The following SGIP1 variants were observed in gnomAD, a reference collection of about 807,000 sequenced individuals.
SGIP1 encodes the protein SH3-containing GRB2-like protein 3-interacting protein 1.
A neutral mutation model predicts 107.5 loss-of-function variants in SGIP1; 38 were observed. The ratio of observed to expected loss-of-function variants is 0.35; its 90% confidence interval spans 0.27 to 0.46. The LOEUF (loss-of-function observed/expected upper bound fraction) is 0.46, where lower values mean the gene tolerates loss of function less well. SGIP1 is among the 20% of genes least tolerant of loss of function. The pLI is 1.00. For synonymous variants in SGIP1, 365 were observed against 366.1 expected (o/e 1.00, Z 0.03); for missense variants, 929 against 1,019.5 (o/e 0.91, Z 1.21).
At chr1:66,538,694 A>G (rs2054181587) in intron 1 of SGIP1, among the ~76,000 whole-genome samples, 1 of 152,224 alleles carries the variant, frequency 6.6e-6, no homozygotes, top group Non-Finnish European at 1.5e-5. Flanking sequence ...GATACAAATA[A>G]TAGAGTCTCA....
At chr1:66,535,985 C>G (rs2053511239) in intron 1 of SGIP1, among the ~76,000 whole-genome samples, 1 of 152,204 alleles carries the variant, frequency 6.6e-6, no homozygotes, top group Non-Finnish European at 1.5e-5. Context: ...CTTTTCACTT[C>G]TTGCCTTGCA....
rs370939783 is a variant in SGIP1, at chr1:66,715,617, C to T, written c.1631-3677C>T. ...TCTGCGAGCTTTAAAACAAAGCACA[C>T]AAGCAAACAAAAAGCACTACGACCA... On this transcript the variant is annotated intron_variant, in intron 18 of 24. Transcript: ENST00000371037. 5.9e-5 allele frequency among the ~76,000 whole-genome samples: 9 copies of T among 152,208 alleles called. 1 individual carries two copies. Among genetic ancestry groups the T allele is most frequent in the African/African-American group, 2.2e-4 (9 of 41,524 alleles).
chr1:66,671,970 T>C lies in SGIP1; in HGVS notation c.535T>C (p.Ser179Pro), dbSNP rs769041939. 4 of 1,613,950 alleles carry C rather than the reference T, an allele frequency of 2.5e-6. No individual in the cohort carries two copies. The highest frequency in any genetic ancestry group is 4.5e-5 in the East Asian group (2 of 44,886). ...SSEEVARPRR[S>P]TPTPELISKK... The stretch of plus-strand genomic sequence containing the variant: ...TGAAGAAGTGGCAAGACCCAGGCGT[T>C]CCACACCAACTCCAGAACTTATAAG... Residue 179 changes from serine to proline, a missense_variant, in exon 11 of 25, where the codon TCC (serine) becomes CCC (proline). Physicochemically the swap from Ser to Pro is moderately conservative, Grantham distance 74 (BLOSUM62 -1). Transcript: ENST00000371037.
intron 3 of SGIP1, among the ~76,000 whole-genome samples, chr1:66,633,496 T>G (rs2075206772): frequency 6.6e-6 from 1 of 152,224 alleles, no homozygotes. Flanking sequence ...AAGAAGCTTT[T>G]CCCCTTTAGT....
chr1:66,550,324 A>G (rs2148251096), intron 1 of SGIP1, among the ~76,000 whole-genome samples: 1 of 152,238 alleles, frequency 6.6e-6, no homozygotes. Context: ...AGCTCTTAAT[A>G]GGCAATAGCC....
At chr1:66,625,281 C>G (rs1283567516) in intron 1 of SGIP1, among the ~76,000 whole-genome samples, 1 of 151,998 alleles carries the variant, frequency 6.6e-6, no homozygotes, top group Non-Finnish European at 1.5e-5. Context: ...AAGTAAGGAC[C>G]GAACAAGAAA....
intron 7 of SGIP1, among the ~76,000 whole-genome samples, chr1:66,648,386 A>AAGTG (rs34773236): frequency 0.52 from 78,449 of 150,904 alleles, 21,522 homozygotes; most frequent in East Asian, 0.9. Flanking sequence ...TAATGCTTGC[A>AAGTG]AGTGAGTGAG....
At chr1:66,733,942 A>G (rs907965109) in intron 21 of SGIP1, 62 bp downstream of exon 21, 2 of 1,513,216 alleles carry the variant, frequency 1.3e-6, no homozygotes, top group Admixed American at 4.1e-5. Context: ...TAAAGTACCT[A>G]CTATTGAATA....
chr1:66,593,776 G>C (rs551502083), intron 1 of SGIP1, among the ~76,000 whole-genome samples: 2 of 152,160 alleles, frequency 1.3e-5, no homozygotes, highest in Admixed American at 1.3e-4. Context: ...CACCAAAAAA[G>C]ATATAAAAAC....
chr1:66,535,872 G>T (rs1487009046), intron 1 of SGIP1, among the ~76,000 whole-genome samples: 7 of 148,908 alleles, frequency 4.7e-5, no homozygotes, highest in African/African-American at 1.7e-4. Context: ...TGCCTGTAGA[G>T]GTACTGTATT....
At position 66,745,837 on chromosome 1, in the gene SGIP1, A is replaced by T. The variant is rs1188177934; in HGVS notation, c.*2742A>T. 6.6e-6 allele frequency: 1 copy of T among 152,124 alleles called. No homozygotes were observed. The highest frequency in any genetic ancestry group is 2.4e-5 in the African/African-American group (1 of 41,458). 9.4% of individuals were successfully genotyped at this position (152,124 alleles called of 1,614,324 possible). A position where few individuals can be genotyped will look rare whatever the true frequency, so the allele number is the denominator to read the frequency against. On this transcript the variant is annotated 3_prime_UTR_variant, in exon 25 of 25. Transcript: ENST00000371037. ...CCAATAAAATCCATATTTTCGTGAA[A>T]TTTTTAAAAATAAATTTGTATCAAG...
Position 66,549,215 on chromosome 1 carries a change from C to T in SGIP1, c.10+14847C>T, listed in dbSNP as rs180744877. Among the ~76,000 whole-genome samples the T allele has an allele frequency of 1.1e-4, 17 of 151,706 alleles. No homozygotes were observed. The East Asian group carries it at 3.3e-3, about 29-fold the overall frequency. ...CCTTCCTTCCCTTCCTCCTGTCTTC[C>T]TTGCTTCCTCTCTTTCTTTTTTCTT... On this transcript the variant is annotated intron_variant, in intron 1 of 24. Transcript: ENST00000371037.
chr1:66,615,066 C>T (rs940586128), intron 1 of SGIP1, among the ~76,000 whole-genome samples: 1 of 151,940 alleles, frequency 6.6e-6, no homozygotes, highest in Non-Finnish European at 1.5e-5. Flanking sequence ...GGTGATCCAC[C>T]CACCTCGGTC....
At chr1:66,648,447 A>G (rs1370767594) in intron 7 of SGIP1, among the ~76,000 whole-genome samples, 1 of 152,316 alleles carries the variant, frequency 6.6e-6, no homozygotes, top group Admixed American at 6.5e-5. Context: ...ACACAGAACC[A>G]TGGCATGTCA....
chr1:66,655,376 A>G (rs976341253), intron 7 of SGIP1, among the ~76,000 whole-genome samples: 3 of 152,156 alleles, frequency 2.0e-5, no homozygotes, highest in African/African-American at 7.2e-5. Context: ...CCCACCTTAT[A>G]TAAAATCGCA....
In SGIP1 at chr1:66,746,934, T is replaced by C. The variant is rs2094560452; in HGVS notation, c.*3839T>C. 6.6e-6 allele frequency: 1 copy of C among 152,146 alleles called. No individual in the cohort carries two copies. The highest frequency in any genetic ancestry group is 2.4e-5 in the African/African-American group (1 of 41,462). The allele number at this position is 152,146 out of a possible 1,614,324, so 9.4% of individuals were successfully genotyped here. ...ATTGGTATCATCACTTATTAATGTT[T>C]TGTATCATCACTTATTAATGATTTT... On this transcript the variant is annotated 3_prime_UTR_variant, in exon 25 of 25. Coordinates refer to ENST00000371037, the MANE Select transcript of SGIP1 (RefSeq NM_032291.4).
intron 1 of SGIP1, among the ~76,000 whole-genome samples, chr1:66,584,956 A>G (rs1173552160): frequency 6.6e-6 from 1 of 152,182 alleles, no homozygotes; most frequent in Admixed American, 6.6e-5. Context: ...CTTCTCCCTC[A>G]AAACAAAAAG....
intron 15 of SGIP1, among the ~76,000 whole-genome samples, chr1:66,686,249 A>G (rs1308057194): frequency 1.3e-5 from 2 of 152,124 alleles, no homozygotes; most frequent in African/African-American, 2.4e-5. Context: ...CAACACACAC[A>G]TAAAAAAAGA....
intron 1 of SGIP1, among the ~76,000 whole-genome samples, chr1:66,570,312 A>C (rs1308248609): frequency 1.3e-5 from 2 of 151,908 alleles, no homozygotes; most frequent in African/African-American, 4.8e-5. Context: ...AGTGGGGTGT[A>C]GAGGGAAAAC....
Sources: allele counts gnomAD v4.1 joint callset (sites outside exome capture counted in the v4.1 genomes callset), GRCh38; gene constraint gnomAD v4.1.1; transcripts MANE v1.5; gene names NCBI Gene and HGNC (gene_info 2026-07-23, HGNC 2026-07-21).